The following TEX26 variants were observed in gnomAD, a reference collection of about 807,000 sequenced individuals.
TEX26 encodes the protein testis-expressed protein 26.
TEX26 carries 34 observed loss-of-function variants against 35.3 expected under a neutral mutation model. The observed-to-expected ratio is 0.96, with a 90% confidence interval of 0.73 to 1.28. The LOEUF is 1.28. Among genes scored for constraint, TEX26 ranks in the 50% most tolerant of loss-of-function variants. TEX26 has a pLI of 0.00. For missense variants in TEX26, 371 were observed against 330.1 expected (o/e 1.12, Z -0.96); for synonymous variants, 136 against 111.8 (o/e 1.22, Z -1.36).
intron 4 of TEX26, among the ~76,000 whole-genome samples, chr13:30,963,081 G>C (rs1954407824): frequency 6.6e-6 from 1 of 152,078 alleles, no homozygotes; most frequent in African/African-American, 2.4e-5. Context: ...ACCCGCCTCG[G>C]CCTCTCAAAG....
chr13:30,948,396 C>G (rs1425113961), intron 2 of TEX26, among the ~76,000 whole-genome samples: 1 of 152,196 alleles, frequency 6.6e-6, no homozygotes, highest in East Asian at 1.9e-4. Flanking sequence ...TCCTCTCCAG[C>G]ACCTGTTGTT....
rs370475342 is a variant in TEX26 at position 30,952,660 on chromosome 13, C to G, written c.147C>G (p.Arg49=). 3 of 1,574,820 alleles carry G rather than the reference C, an allele frequency of 1.9e-6. No individual in the cohort carries two copies. The highest frequency in any genetic ancestry group is 1.4e-5 in the African/African-American group (1 of 73,016). ...TAATTTCTGCTGGGTTTTTTTATAG[C>G]CAAAACGGTATCAGAAGATTAGGAT... ...PKTGAVPALI[R]QNGIRRLGYT... Residue 49 remains arginine (R), a splice_region_variant and synonymous_variant, in exon 3 of 7, where the codon CGC becomes CGG. Transcript: ENST00000380473.
chr13:30,954,465 A>G (rs544585110), intron 3 of TEX26, among the ~76,000 whole-genome samples: 1 of 150,450 alleles, frequency 6.6e-6, no homozygotes, highest in East Asian at 1.9e-4. Flanking sequence ...GTATAATTAG[A>G]TATATTACAG....
Position 30,939,785 on chromosome 13 carries a change from C to A in TEX26, c.146+7C>A, listed in dbSNP as rs1431971980. On this transcript the variant is annotated splice_region_variant and intron_variant, in intron 2 of 6. Coordinates refer to ENST00000380473, the MANE Select transcript of TEX26 (RefSeq NM_152325.3). ...CAGTGCCTGCCTTAATTCGGTAGAT[C>A]ATTATTTGTGTTGGATTGATATACA... 2.5e-6 allele frequency: 4 copies of A among 1,610,838 alleles called. No individual in the cohort carries two copies. The highest frequency in any genetic ancestry group is 3.4e-6 in the Non-Finnish European group (4 of 1,177,342).
intron 6 of TEX26, among the ~76,000 whole-genome samples, chr13:30,972,178 C>T (rs1954735143): frequency 6.6e-6 from 1 of 152,140 alleles, no homozygotes; most frequent in South Asian, 2.1e-4. Flanking sequence ...GAAAGCCTGC[C>T]TGGAGGAGGG....
At chr13:30,969,385 C>T (rs1159919) in intron 6 of TEX26, among the ~76,000 whole-genome samples, 7,476 of 152,214 alleles carry the variant, frequency 0.049, 264 homozygotes, top group Non-Finnish European at 0.072. Flanking sequence ...TGTACAGTCA[C>T]GTTGTTTTGC....
chr13:30,956,741 A>G, intron 3 of TEX26, 132 bp from the exon 4 acceptor site: 1 of 774,158 alleles, frequency 1.3e-6, no homozygotes. Context: ...ACGGGCTCCC[A>G]GCATCCATGC....
chr13:30,945,070 C>T (rs1953652724), intron 2 of TEX26, among the ~76,000 whole-genome samples: 1 of 151,764 alleles, frequency 6.6e-6, no homozygotes, highest in Non-Finnish European at 1.5e-5. Flanking sequence ...TATTGTGTTG[C>T]TGTCTATCTC....
chr13:30,972,325 C>A (rs1276528441), intron 6 of TEX26, among the ~76,000 whole-genome samples: 1 of 152,188 alleles, frequency 6.6e-6, no homozygotes, highest in Admixed American at 6.5e-5. Context: ...ATTTGACTTA[C>A]AACTGGTAGC....
chr13:30,952,632 C>G (rs775788352), intron 2 of TEX26, 28 bp from the exon 3 acceptor site: 1 of 1,551,528 alleles, frequency 6.4e-7, no homozygotes, highest in Non-Finnish European at 8.7e-7. Flanking sequence ...TAACCTCTAA[C>G]TCTAATTTCT....
chr13:30,953,199 C>A (rs1953996424), intron 3 of TEX26, among the ~76,000 whole-genome samples: 1 of 152,104 alleles, frequency 6.6e-6, no homozygotes, highest in African/African-American at 2.4e-5. Flanking sequence ...TAAGCAATTA[C>A]CCCCGACTCC....
In TEX26 at chr13:30,975,068, A is replaced by T; in HGVS notation, c.*161A>T. On this transcript the variant is annotated 3_prime_UTR_variant, in exon 7 of 7. Transcript: ENST00000380473. The stretch of plus-strand genomic sequence containing the variant: ...GTCTTTTGCTCCGCTTTATTTTTAA[A>T]CAATAAAATTAAGGCTACAAAATTT... 2.0e-6 allele frequency: 1 copy of T among 509,136 alleles called. No individual in the cohort carries two copies. The highest frequency in any genetic ancestry group is 3.3e-6 in the Non-Finnish European group (1 of 300,608). 31.5% of individuals were successfully genotyped at this position (509,136 alleles called of 1,614,324 possible). A position where few individuals can be genotyped will look rare whatever the true frequency, so the allele number is the denominator to read the frequency against.
chr13:30,968,204 T>C (rs1954603408), intron 5 of TEX26, among the ~76,000 whole-genome samples: 1 of 152,210 alleles, frequency 6.6e-6, no homozygotes, highest in East Asian at 1.9e-4. Flanking sequence ...GGGTTGATGC[T>C]TTTATATCAT....
Position 30,967,129 on chromosome 13 carries a change from G to T in TEX26, c.646+731G>T, listed in dbSNP as rs546124175. Among the ~76,000 whole-genome samples the T allele has an allele frequency of 2.4e-4, 36 of 152,306 alleles. 1 individual carries two copies. The South Asian group carries it at 7.0e-3, about 30-fold the overall frequency. Reference sequence around the variant, plus strand: ...GTATCCACATGTGCATCCCCTGAAAGTTTTTAAAAATTCCGTGACCAAGCC... The same window carrying T: ...GTATCCACATGTGCATCCCCTGAAATTTTTTAAAAATTCCGTGACCAAGCC... On this transcript the variant is annotated intron_variant, in intron 5 of 6. Transcript: ENST00000380473.
chr13:30,952,866 C>G (rs761545165), intron 3 of TEX26, 41 bp downstream of exon 3: 1 of 1,528,738 alleles, frequency 6.5e-7, no homozygotes, highest in Non-Finnish European at 8.9e-7. Context: ...TAATACTGTA[C>G]TGTATCAACA....
chr13:30,967,144 G>A (rs753600761), intron 5 of TEX26, among the ~76,000 whole-genome samples: 26 of 152,118 alleles, frequency 1.7e-4, no homozygotes, highest in Non-Finnish European at 2.8e-4. Flanking sequence ...TAAAAATTCC[G>A]TGACCAAGCC....
intron 2 of TEX26, 139 bp from the exon 3 acceptor site, chr13:30,952,521 A>C: frequency 1.4e-6 from 1 of 695,086 alleles, no homozygotes; most frequent in Non-Finnish European, 2.2e-6. Flanking sequence ...AAAACCTGAA[A>C]TTAAATTATT....
At chr13:30,947,297 C>T (rs1038627885) in intron 2 of TEX26, among the ~76,000 whole-genome samples, 3 of 152,044 alleles carry the variant, frequency 2.0e-5, no homozygotes, top group Admixed American at 2.0e-4. Context: ...CAGAATGAAA[C>T]TGCACTCAGC....
At chr13:30,950,865 G>T (rs986495193) in intron 2 of TEX26, among the ~76,000 whole-genome samples, 1 of 152,164 alleles carries the variant, frequency 6.6e-6, no homozygotes, top group African/African-American at 2.4e-5. Context: ...CTTATTCCTC[G>T]AGACAATGCA....
Sources: allele counts gnomAD v4.1 joint callset (sites outside exome capture counted in the v4.1 genomes callset), GRCh38; gene constraint gnomAD v4.1.1; transcripts MANE v1.5; gene names NCBI Gene and HGNC (gene_info 2026-07-23, HGNC 2026-07-21).